Variants in ADGRG2 observed in about 807,000 individuals in gnomAD.
The protein encoded by ADGRG2 is G protein-coupled receptor 64.
A neutral mutation model predicts 74.1 loss-of-function variants in ADGRG2; 26 were observed. That is an observed-to-expected ratio of 0.35 (90% confidence interval 0.26 to 0.49). ADGRG2 has a LOEUF of 0.49. Among genes scored for constraint, ADGRG2 ranks in the 20% least tolerant of loss-of-function variants. The pLI is 0.99. For synonymous variants in ADGRG2, 296 were observed against 295.2 expected (o/e 1.00, Z -0.03); for missense variants, 619 against 763.1 (o/e 0.81, Z 2.22).
intron 1 of ADGRG2, among the ~76,000 whole-genome samples, chrX:19,103,796 G>A (rs919667482): frequency 9.0e-6 from 1 of 111,688 alleles, no homozygotes; most frequent in East Asian, 2.8e-4. Flanking sequence ...ATGCAAAACT[G>A]TGAGACATCC....
At chrX:19,057,767 G>A (rs764141418) in intron 3 of ADGRG2, among the ~76,000 whole-genome samples, 1 of 111,447 alleles carries the variant, frequency 9.0e-6, no homozygotes, top group Non-Finnish European at 1.9e-5. Flanking sequence ...TTGAGCCCAG[G>A]TGTTAGAGAC....
At chrX:19,053,223 A>G (rs2061353690) in intron 3 of ADGRG2, among the ~76,000 whole-genome samples, 1 of 111,433 alleles carries the variant, frequency 9.0e-6, no homozygotes, top group Admixed American at 9.6e-5. Flanking sequence ...TGAAGTGGGA[A>G]GGCCAGAGAG....
chrX:19,090,283 T>C, intron 1 of ADGRG2, among the ~76,000 whole-genome samples: 1 of 111,578 alleles, frequency 9.0e-6, no homozygotes, highest in Non-Finnish European at 1.9e-5. Flanking sequence ...CATTTGCTCA[T>C]GATAATCTCC....
chrX:19,045,805 A>T (rs193017901), intron 3 of ADGRG2, among the ~76,000 whole-genome samples: 1 of 111,030 alleles, frequency 9.0e-6, no homozygotes, highest in Non-Finnish European at 1.9e-5. Flanking sequence ...CCATCCACCA[A>T]TTGTACACCC....
intron 22 of ADGRG2, among the ~76,000 whole-genome samples, chrX:19,005,554 CTT>C (rs72423142): frequency 1.5e-4 from 14 of 95,609 alleles, no homozygotes; most frequent in African/African-American, 2.0e-4. Context: ...ATCTCTCTCT[CTT>C]TTTTTTTTTT....
chrX:19,059,011 C>T lies in ADGRG2; in HGVS notation c.118+9706G>A, dbSNP rs189579783. 3.6e-3 allele frequency among the ~76,000 whole-genome samples: 408 copies of T among 111,836 alleles called. 3 individuals are homozygous for T. The highest frequency in any genetic ancestry group is 0.012 in the African/African-American group (373 of 30,801). ...TTCATCCCAGGATGAACAAATCATG[C>T]AAAGTTGTGTAAAAACCATTTTCAA... On this transcript the variant is annotated intron_variant, in intron 3 of 28. Coordinates refer to ENST00000379869, the MANE Select transcript of ADGRG2 (RefSeq NM_001079858.3).
intron 7 of ADGRG2, chrX:19,035,717 T>C: frequency 3.6e-6 from 1 of 276,139 alleles, no homozygotes; most frequent in African/African-American, 2.7e-5. Context: ...TAATACATGC[T>C]ATTTTAAATG....
chrX:19,046,061 A>T (rs200270265), intron 3 of ADGRG2, among the ~76,000 whole-genome samples: 5 of 110,383 alleles, frequency 4.5e-5, no homozygotes, highest in African/African-American at 6.6e-5. Context: ...TTTTTAAAAA[A>T]TTTTTTCAGA....
chrX:19,111,681 T>G (rs2062415965), intron 1 of ADGRG2, among the ~76,000 whole-genome samples: 1 of 110,503 alleles, frequency 9.0e-6, no homozygotes, highest in Admixed American at 9.7e-5. Context: ...TGACTAGAAA[T>G]GGGGGTGGGG....
At chrX:19,054,457 T>C (rs915836451) in intron 3 of ADGRG2, among the ~76,000 whole-genome samples, 2 of 111,690 alleles carry the variant, frequency 1.8e-5, no homozygotes, top group Admixed American at 1.9e-4. Flanking sequence ...AATCATAATG[T>C]GGGTTTATGT....
chrX:19,033,536 A>G, intron 8 of ADGRG2, 77 bp downstream of exon 8: 1 of 536,494 alleles, frequency 1.9e-6, no homozygotes, highest in Non-Finnish European at 3.2e-6. Context: ...AGAGAAAGAA[A>G]TTATAAACAC....
Position 18,990,550 on chromosome X carries a change from G to A in ADGRG2, c.*314C>T. ...ATATGATGTTATCAAAGATAACTTA[G>A]CCTCTTTAAAAGGTAGCTGAAAGTT... On this transcript the variant is annotated 3_prime_UTR_variant, in exon 29 of 29. Transcript: ENST00000379869. 1 of 148,564 alleles carries A rather than the reference G, an allele frequency of 6.7e-6. No individual in the cohort carries two copies. Among genetic ancestry groups the A allele is most frequent in the Non-Finnish European group, 1.3e-5 (1 of 77,313 alleles). 12.2% of individuals were successfully genotyped at this position (148,564 alleles called of 1,213,427 possible).
Position 19,058,201 on chromosome X carries a change from G to C in ADGRG2, c.118+10516C>G, listed in dbSNP as rs931828826. ...GGCCTACTGTGTGCCAGGCACGGGG[G>C]TTATAGCAGGGAATAAAACAAAGTC... On this transcript the variant is annotated intron_variant, in intron 3 of 28. Transcript: ENST00000379869. Among the ~76,000 whole-genome samples the C allele has an allele frequency of 4.5e-5, 5 of 111,848 alleles. No individual in the cohort carries two copies. The Admixed American group carries it at 4.8e-4, about 11-fold the overall frequency.
rs184918518 is a variant in ADGRG2 at position 19,078,300 on chromosome X, A to C, written c.-2+4402T>G. The stretch of plus-strand genomic sequence containing the variant: ...CGTGGTGGCTCACACCTGTAATCCC[A>C]GCACTTTGGGAGGCCAAGGCAGAAG... On this transcript the variant is annotated intron_variant, in intron 2 of 28. Transcript: ENST00000379869. 7.1e-3 allele frequency among the ~76,000 whole-genome samples: 799 copies of C among 112,341 alleles called. 6 individuals are homozygous for C. The highest frequency in any genetic ancestry group is 0.024 in the African/African-American group (733 of 30,901).
At chrX:19,067,466 C>T (rs187284680) in intron 3 of ADGRG2, among the ~76,000 whole-genome samples, 91 of 111,756 alleles carry the variant, frequency 8.1e-4, no homozygotes, top group African/African-American at 2.9e-3. Flanking sequence ...GAAGTTGGAC[C>T]GTTACCTTAT....
At chrX:19,058,692 A>C (rs950561734) in intron 3 of ADGRG2, among the ~76,000 whole-genome samples, 2 of 112,143 alleles carry the variant, frequency 1.8e-5, no homozygotes, top group Admixed American at 1.9e-4. Context: ...TATAGGTCAC[A>C]CTGGACACGG....
intron 1 of ADGRG2, among the ~76,000 whole-genome samples, chrX:19,106,200 A>G (rs1221211601): frequency 9.2e-6 from 1 of 108,627 alleles, no homozygotes; most frequent in African/African-American, 3.5e-5. Flanking sequence ...GACTTGCATC[A>G]GGCATTGGTT....
At chrX:19,014,130 C>A (rs1242589691) in intron 15 of ADGRG2, 56 bp from the exon 16 acceptor site, 13 of 938,176 alleles carry the variant, frequency 1.4e-5, no homozygotes, top group Non-Finnish European at 1.9e-5. Flanking sequence ...ACAGAGGGGG[C>A]AAGTCTTTCC....
intron 11 of ADGRG2, among the ~76,000 whole-genome samples, chrX:19,025,410 C>G (rs2060680570): frequency 1.8e-5 from 2 of 111,211 alleles, no homozygotes; most frequent in Non-Finnish European, 3.8e-5. Flanking sequence ...GGATGAGAAA[C>G]ATTGCTCTAG....
Sources: allele counts gnomAD v4.1 joint callset (sites outside exome capture counted in the v4.1 genomes callset), GRCh38; gene constraint gnomAD v4.1.1; transcripts MANE v1.5; gene names NCBI Gene and HGNC (gene_info 2026-07-23, HGNC 2026-07-21).